The following ZNF44 variants were observed in gnomAD, a reference collection of about 807,000 sequenced individuals.
The protein encoded by ZNF44 is zinc finger protein 44.
ZNF44 carries 9 observed loss-of-function variants against 11.7 expected under a neutral mutation model. The observed-to-expected ratio is 0.77, with a 90% CI of 0.46 to 1.35. ZNF44 has a LOEUF of 1.35. Ranked by LOEUF, ZNF44 falls within the 40% of genes most tolerant of loss-of-function variation. The pLI, the probability that ZNF44 is intolerant of heterozygous loss-of-function variation, is 0.00. For missense variants in ZNF44, 696 were observed against 743.1 expected (o/e 0.94, Z 0.74); for synonymous variants, 224 against 242.7 (o/e 0.92, Z 0.72).
chr19:12,270,811 T>C (rs544101855), downstream of ZNF44, among the ~76,000 whole-genome samples: 5 of 152,250 alleles, frequency 3.3e-5, no homozygotes, highest in East Asian at 3.9e-4. Context: ...TGTACCACAG[T>C]GTACTTATGG....
intron 5 of ZNF44, among the ~76,000 whole-genome samples, chr19:12,255,298 T>C (rs1917200654): frequency 6.6e-6 from 1 of 151,916 alleles, no homozygotes; most frequent in Non-Finnish European, 1.5e-5. Flanking sequence ...AGAAATTTTT[T>C]CAAATAGTGA....
chr19:12,265,756 C>A (rs903235024), intron 5 of ZNF44, among the ~76,000 whole-genome samples: 7 of 152,188 alleles, frequency 4.6e-5, no homozygotes, highest in Non-Finnish European at 8.8e-5. Flanking sequence ...CGAACAACAA[C>A]AAAATTAAAT....
chr19:12,291,154 T>C (rs1393512955), intron 1 of ZNF44: 2 of 415,012 alleles, frequency 4.8e-6, no homozygotes, highest in Admixed American at 3.3e-5. Context: ...ATTTAAGTTC[T>C]TTAGCTATTG....
chr19:12,226,037 G>A (rs1421663768), downstream of ZNF44: 1 of 152,184 alleles, frequency 6.6e-6, no homozygotes, highest in African/African-American at 2.4e-5. Flanking sequence ...AACAACATGT[G>A]TGCTATCGTT....
downstream of ZNF44, among the ~76,000 whole-genome samples, chr19:12,271,357 A>C (rs903261855): frequency 6.6e-6 from 1 of 152,228 alleles, no homozygotes; most frequent in Non-Finnish European, 1.5e-5. Flanking sequence ...CTTCAACACA[A>C]ACATCTTCAG....
intron 1 of ZNF44, among the ~76,000 whole-genome samples, chr19:12,236,239 G>A (rs2145680099): frequency 6.6e-6 from 1 of 152,292 alleles, no homozygotes; most frequent in Non-Finnish European, 1.5e-5. Context: ...TTTGAGACCT[G>A]CGTCCCACAC....
exon 2 of ZNF44, chr19:12,234,880 C>T (rs1003849025): frequency 5.9e-5 from 9 of 152,222 alleles, no homozygotes; most frequent in African/African-American, 2.2e-4. Flanking sequence ...CACACTGAAG[C>T]GGTGTCATTG....
intron 5 of ZNF44, among the ~76,000 whole-genome samples, chr19:12,251,399 C>A (rs368735125): frequency 1.4e-4 from 21 of 151,630 alleles, no homozygotes; most frequent in African/African-American, 5.1e-4. Flanking sequence ...GGGGCTGAGG[C>A]ACGAGAATAG....
At chr19:12,239,628 T>C (rs1342565048), upstream of ZNF44, among the ~76,000 whole-genome samples, 4 of 138,654 alleles carry the variant, frequency 2.9e-5, no homozygotes, top group Non-Finnish European at 6.1e-5. Flanking sequence ...CAGGCTGGAG[T>C]GCAGTGGCGT....
intron 1 of ZNF44, chr19:12,293,081 G>A: frequency 2.6e-6 from 2 of 775,718 alleles, no homozygotes; most frequent in Non-Finnish European, 1.9e-6. Flanking sequence ...TGTTGGCCAG[G>A]GTGGTCTTGA....
chr19:12,284,666 C>T, intron 1 of ZNF44: 6 of 756,714 alleles, frequency 7.9e-6, no homozygotes, highest in East Asian at 2.6e-5. Context: ...CCGGCCAGTG[C>T]ACCAGGTTCA....
chr19:12,294,663 C>T, intron 1 of ZNF44, 29 bp downstream of exon 1: 1 of 1,556,240 alleles, frequency 6.4e-7, no homozygotes, highest in Non-Finnish European at 8.7e-7. Flanking sequence ...CTTCGCCCTG[C>T]CTCAGGACGC....
At chr19:12,285,157 C>T (rs1967677387) in intron 1 of ZNF44, 1 of 570,484 alleles carries the variant, frequency 1.8e-6, no homozygotes, top group Non-Finnish European at 3.1e-6. Flanking sequence ...GTGCAGAGGA[C>T]CCAGGCTCCA....
At chr19:12,227,794 A>G (rs1278667438) in intron 3 of ZNF44, among the ~76,000 whole-genome samples, 1 of 152,228 alleles carries the variant, frequency 6.6e-6, no homozygotes, top group Admixed American at 6.5e-5. Context: ...TTATACAAAT[A>G]TAGCCCAAAG....
At chr19:12,234,061 TAAAAA>T (rs76369228) in intron 2 of ZNF44, among the ~76,000 whole-genome samples, 3 of 133,470 alleles carry the variant, frequency 2.2e-5, no homozygotes, top group African/African-American at 8.2e-5. Flanking sequence ...GACTCTGTCT[TAAAAA>T]AAAAAAAAAA....
intron 5 of ZNF44, among the ~76,000 whole-genome samples, chr19:12,253,244 C>T (rs905356978): frequency 3.6e-5 from 5 of 137,440 alleles, no homozygotes; most frequent in African/African-American, 1.1e-4. Flanking sequence ...GGCTGGAGTG[C>T]AGAGGTGTGG....
At chr19:12,281,571 G>C (rs747941658) in intron 1 of ZNF44, among the ~76,000 whole-genome samples, 2 of 152,142 alleles carry the variant, frequency 1.3e-5, no homozygotes, top group Non-Finnish European at 1.5e-5. Flanking sequence ...GTAACGATGA[G>C]AAGAGATATT....
chr19:12,248,515 T>TA (rs1916850187), exon 8 of ZNF44: 1 of 1,290,798 alleles, frequency 7.7e-7, no homozygotes. Context: ...ATGTGCCTGT[T>TA]AAGGGATGAA....
At chr19:12,254,342 T>C (rs1917154136) in intron 5 of ZNF44, among the ~76,000 whole-genome samples, 1 of 152,170 alleles carries the variant, frequency 6.6e-6, no homozygotes, top group Non-Finnish European at 1.5e-5. Context: ...AAAGTAGTAG[T>C]TTTAAGGGCA....
Sources: gnomAD v4.1 joint callset for allele counts (sites outside exome capture counted in the v4.1 genomes callset) on GRCh38, gnomAD v4.1.1 for gene constraint, MANE v1.5 for transcripts, NCBI Gene and HGNC (gene_info 2026-07-23, HGNC 2026-07-21) for gene names.